The following FARS2 variants were observed in gnomAD, a reference collection of about 807,000 sequenced individuals.
FARS2 encodes the protein phenylalanine--tRNA ligase, mitochondrial.
In FARS2, 40 loss-of-function variants were observed where a neutral mutation model predicts 46.4. The observed-to-expected ratio is 0.86, with a 90% CI of 0.67 to 1.12. FARS2 has a LOEUF of 1.12. FARS2 is among the 50% of genes most tolerant of loss of function. The pLI, the probability that FARS2 is intolerant of heterozygous loss-of-function variation, is 0.00. For synonymous variants in FARS2, 234 were observed against 214.9 expected (o/e 1.09, Z -0.78); for missense variants, 513 against 567.9 (o/e 0.90, Z 0.98).
intron 1 of FARS2, among the ~76,000 whole-genome samples, chr6:5,354,853 C>T (rs891309930): frequency 5.3e-5 from 8 of 152,146 alleles, no homozygotes; most frequent in South Asian, 2.1e-4. Context: ...ATGAGAATCA[C>T]CCTGAAGGGT....
At chr6:5,457,378 C>T (rs1272541181) in intron 4 of FARS2, among the ~76,000 whole-genome samples, 3 of 152,308 alleles carry the variant, frequency 2.0e-5, no homozygotes, top group Non-Finnish European at 4.4e-5. Flanking sequence ...ATCTCTCAGT[C>T]CCTGCTGCAC....
chr6:5,262,544 G>T (rs772393757), intron 1 of FARS2, among the ~76,000 whole-genome samples: 7 of 152,276 alleles, frequency 4.6e-5, no homozygotes, highest in Non-Finnish European at 5.9e-5. Flanking sequence ...CTCCCAAAAT[G>T]CTGGGATTAC....
At chr6:5,342,658 G>A (rs530364044) in intron 1 of FARS2, among the ~76,000 whole-genome samples, 4 of 151,948 alleles carry the variant, frequency 2.6e-5, no homozygotes, top group East Asian at 1.9e-4. Flanking sequence ...AGGCTGAGGC[G>A]GGAGAATTGC....
At chr6:5,608,194 G>T (rs1271018004) in intron 5 of FARS2, among the ~76,000 whole-genome samples, 3 of 152,158 alleles carry the variant, frequency 2.0e-5, no homozygotes, top group African/African-American at 7.2e-5. Flanking sequence ...AAATGTAAGG[G>T]TAAGAAGAGA....
intron 1 of FARS2, among the ~76,000 whole-genome samples, chr6:5,277,162 C>A (rs567173371): frequency 6.6e-6 from 1 of 151,798 alleles, no homozygotes; most frequent in South Asian, 2.1e-4. Flanking sequence ...TCATGTCACA[C>A]AAAGCTTTTG....
chr6:5,609,313 C>G (rs1376514361), intron 5 of FARS2: 5 of 1,111,892 alleles, frequency 4.5e-6, no homozygotes, highest in Non-Finnish European at 6.8e-6. Context: ...AAGTATTGGC[C>G]TCTACCACCA....
At chr6:5,493,331 T>C (rs1007748010) in intron 4 of FARS2, among the ~76,000 whole-genome samples, 1 of 152,222 alleles carries the variant, frequency 6.6e-6, no homozygotes, top group African/African-American at 2.4e-5. Context: ...TTTCTCCACT[T>C]AGAATTTAAC....
chr6:5,584,071 T>C lies in FARS2; in HGVS notation c.1066-29098T>C, dbSNP rs546809545. Among the ~76,000 whole-genome samples, 119 of 150,580 alleles carry C rather than the reference T, an allele frequency of 7.9e-4. 2 individuals are homozygous for C. Among genetic ancestry groups the C allele is most frequent in the South Asian group, 5.3e-3 (25 of 4,738 alleles). On this transcript the variant is annotated intron_variant, in intron 5 of 6. Transcript: ENST00000274680. ...ATTAGTTCCAGTTTCTCCCCTTAGC[T>C]AGCTCCCCCCGACATTCTCTCTCTC... is the stretch of plus-strand genomic sequence containing the variant.
At chr6:5,627,073 A>C (rs1267824227) in intron 6 of FARS2, among the ~76,000 whole-genome samples, 1 of 152,246 alleles carries the variant, frequency 6.6e-6, no homozygotes, top group East Asian at 1.9e-4. Flanking sequence ...CAAATGCATG[A>C]GTAATGTGTT....
intron 3 of FARS2, among the ~76,000 whole-genome samples, chr6:5,422,535 TC>T (rs1370066283): frequency 6.6e-6 from 1 of 152,170 alleles, no homozygotes; most frequent in Non-Finnish European, 1.5e-5. Flanking sequence ...GGCTGTGCTG[TC>T]CCACACACCT....
chr6:5,638,918 C>T (rs1776674632), intron 6 of FARS2, among the ~76,000 whole-genome samples: 1 of 152,218 alleles, frequency 6.6e-6, no homozygotes, highest in Non-Finnish European at 1.5e-5. Flanking sequence ...CAGACTTGTA[C>T]AGGGGCCTTG....
chr6:5,555,992 A>G (rs1771634225), intron 5 of FARS2, among the ~76,000 whole-genome samples: 2 of 152,154 alleles, frequency 1.3e-5, no homozygotes, highest in Admixed American at 6.5e-5. Context: ...CACTTAATCC[A>G]TGTTAAATGT....
intron 1 of FARS2, among the ~76,000 whole-genome samples, chr6:5,338,666 A>C (rs974736581): frequency 7.0e-6 from 1 of 142,564 alleles, no homozygotes; most frequent in Admixed American, 7.9e-5. Context: ...AGGGCACTTC[A>C]TGGCATTCTC....
intron 6 of FARS2, among the ~76,000 whole-genome samples, chr6:5,619,419 G>T (rs563123490): frequency 5.1e-4 from 77 of 152,106 alleles, no homozygotes; most frequent in Non-Finnish European, 5.9e-4. Flanking sequence ...TTGTTCCGGG[G>T]ACTGCTGGCC....
intron 6 of FARS2, among the ~76,000 whole-genome samples, chr6:5,760,105 T>A (rs1762406353): frequency 6.6e-6 from 1 of 152,214 alleles, no homozygotes; most frequent in African/African-American, 2.4e-5. Context: ...AAAATAACAG[T>A]GTCATTGGAA....
chr6:5,572,520 A>G (rs1289762845), intron 5 of FARS2, among the ~76,000 whole-genome samples: 3 of 152,168 alleles, frequency 2.0e-5, no homozygotes, highest in Non-Finnish European at 4.4e-5. Context: ...ACAAATAGTA[A>G]GAAAGAGATC....
At chr6:5,349,860 A>G (rs1581849647) in intron 1 of FARS2, among the ~76,000 whole-genome samples, 1 of 147,268 alleles carries the variant, frequency 6.8e-6, no homozygotes, top group Admixed American at 6.8e-5. Context: ...TGTTTTTCTC[A>G]TTTTTAGACT....
intron 5 of FARS2, among the ~76,000 whole-genome samples, chr6:5,580,573 A>G (rs1773274332): frequency 6.6e-6 from 1 of 152,076 alleles, no homozygotes; most frequent in Non-Finnish European, 1.5e-5. Context: ...CTGCAGCCAC[A>G]TTTGCCTCAG....
chr6:5,622,690 A>G (rs1775835017), intron 6 of FARS2, among the ~76,000 whole-genome samples: 1 of 152,186 alleles, frequency 6.6e-6, no homozygotes, highest in Non-Finnish European at 1.5e-5. Flanking sequence ...TATGAAGTGG[A>G]GAGAGACAGC....
Sources: allele counts gnomAD v4.1 joint callset (sites outside exome capture counted in the v4.1 genomes callset), GRCh38; gene constraint gnomAD v4.1.1; transcripts MANE v1.5; gene names NCBI Gene and HGNC (gene_info 2026-07-23, HGNC 2026-07-21).